The following MROH1 variants were observed in gnomAD, a reference collection of about 807,000 sequenced individuals.
MROH1 encodes maestro heat-like repeat-containing protein family member 1.
A neutral mutation model predicts 116.5 loss-of-function variants in MROH1; 117 were observed. The observed-to-expected ratio is 1.00, with a 90% CI of 0.86 to 1.17. The LOEUF is 1.17. Ranked by LOEUF, MROH1 falls within the 50% of genes most tolerant of loss-of-function variation. MROH1 has a pLI of 0.00. For missense variants in MROH1, 1,873 were observed against 1,338.5 expected (o/e 1.40, Z -6.23); for synonymous variants, 921 against 583.9 (o/e 1.58, Z -8.32).
intron 1 of MROH1, among the ~76,000 whole-genome samples, chr8:144,149,894 T>C (rs1816314042): frequency 6.6e-6 from 1 of 152,084 alleles, no homozygotes; most frequent in East Asian, 1.9e-4. Context: ...GGCTGTGGGA[T>C]TGCATTTCCC....
At chr8:144,247,792 C>T (rs1459433275) in intron 31 of MROH1, 113 bp downstream of exon 31, 7 of 696,040 alleles carry the variant, frequency 1.0e-5, no homozygotes, top group Non-Finnish European at 1.8e-5. Flanking sequence ...CACCCATGGC[C>T]AGTGGGCATG....
In MROH1 at chr8:144,261,058, G is replaced by A; in HGVS notation, c.4671+17G>A. On this transcript the variant is annotated intron_variant, in intron 41 of 43. Transcript: ENST00000326134. ...AAGCACCTGGTGAGGGGTGGGGCCAGGCGGGGCGTGGTGGGTGGGGCGGGG... is the reference window on the plus strand; with the variant it reads ...AAGCACCTGGTGAGGGGTGGGGCCAAGCGGGGCGTGGTGGGTGGGGCGGGG... 1.3e-6 allele frequency: 1 copy of A among 770,074 alleles called. No homozygotes were observed. Among genetic ancestry groups the A allele is most frequent in the South Asian group, 1.4e-5 (1 of 73,480 alleles). 47.7% of individuals were successfully genotyped at this position (770,074 alleles called of 1,614,324 possible).
At chr8:144,195,864 C>T (rs1829775994) in intron 10 of MROH1, among the ~76,000 whole-genome samples, 2 of 152,094 alleles carry the variant, frequency 1.3e-5, no homozygotes, top group Admixed American at 1.3e-4. Flanking sequence ...AATCATGCTA[C>T]TTTGTCCTTT....
chr8:144,255,421 C>T lies in MROH1; in HGVS notation c.3595-88C>T, dbSNP rs988131098. 6.4e-5 allele frequency: 46 copies of T among 718,422 alleles called. 1 individual carries two copies. The highest frequency in any genetic ancestry group is 1.2e-4 in the Admixed American group (6 of 50,756). 44.5% of individuals were successfully genotyped at this position (718,422 alleles called of 1,614,324 possible). ...GAGACCTCCGAGCACATGATGCAGG[C>T]GAAGGGGGATGCAGTCTCATTGGGT... On this transcript the variant is annotated intron_variant, in intron 34 of 43. Transcript: ENST00000326134.
Position 144,227,793 on chromosome 8 carries a change from TA to T in MROH1, c.1338+4573del, listed in dbSNP as rs909786389. On this transcript the variant is annotated intron_variant, in intron 14 of 43. Transcript: ENST00000326134. ...AGCGAGACCTTATCTCTACAAATAATAAAAAAAAAATTAGCTGGGCCTGACG... is the reference window on the plus strand; with the variant it reads ...AGCGAGACCTTATCTCTACAAATAATAAAAAAAAATTAGCTGGGCCTGACG... 2.6e-4 allele frequency among the ~76,000 whole-genome samples: 38 copies of T among 146,550 alleles called. No individual in the cohort carries two copies. In the Middle Eastern group the frequency reaches 0.014, roughly 55 times the overall value.
chr8:144,177,511 G>GTA (rs1824312336), intron 4 of MROH1, among the ~76,000 whole-genome samples: 1 of 152,182 alleles, frequency 6.6e-6, no homozygotes, highest in South Asian at 2.1e-4. Flanking sequence ...CACTGAGCCG[G>GTA]TAGCACTTCT....
intron 34 of MROH1, 65 bp downstream of exon 34, chr8:144,255,043 G>A: frequency 2.9e-6 from 2 of 689,616 alleles, no homozygotes; most frequent in Non-Finnish European, 5.3e-6. Context: ...GGTGCCCGGG[G>A]GCAGGCCTTT....
chr8:144,201,240 T>C (rs1304883087), intron 12 of MROH1: 4 of 152,082 alleles, frequency 2.6e-5, no homozygotes, highest in African/African-American at 7.2e-5. Context: ...TATTTTTTTT[T>C]AGTAGAGACA....
rs1449479649 is a variant in MROH1, at chr8:144,150,389, G to GT, written c.-177+2320dup. On this transcript the variant is annotated intron_variant, in intron 1 of 43. Coordinates refer to ENST00000326134, the MANE Select transcript of MROH1 (RefSeq NM_032450.3). ...AACCAGAGCCCTGATTGGCATTTGT[G>GT]TTTTTTTCTGACATCCCCATTATAT... Among the ~76,000 whole-genome samples the GT allele has an allele frequency of 1.6e-4, 24 of 152,262 alleles. No homozygotes were observed. In the South Asian group the frequency reaches 3.9e-3, roughly 25 times the overall value.
rs35823965 is a variant in MROH1 at position 144,209,905 on chromosome 8, C to CAA, written c.1141+9379_1141+9380dup. ...TTGGCTACAGAGTGAGACCCTGTCT[C>CAA]AAAAAAAAAAAAAAAAGGGAAGGAA... On this transcript the variant is annotated intron_variant, in intron 12 of 43. Coordinates refer to ENST00000326134, the MANE Select transcript of MROH1 (RefSeq NM_032450.3). Among the ~76,000 whole-genome samples the CAA allele has an allele frequency of 2.7e-3, 297 of 109,656 alleles. 3 individuals are homozygous for CAA. The highest frequency in any genetic ancestry group is 0.021 in the South Asian group (67 of 3,202). 71.9% of individuals were successfully genotyped at this position (109,656 alleles called of 152,430 possible).
chr8:144,180,626 A>C lies in MROH1; in HGVS notation c.562+103A>C. On this transcript the variant is annotated intron_variant, in intron 7 of 43. Transcript: ENST00000326134. The surrounding 1 kb of genome is among the most constrained non-coding windows in gnomAD (Gnocchi z 7.4). ...GGGACAGGTGGGCACTTTAGGCTGC[A>C]GGAAGGGGGGCTGTTGGAGGGAGGG... The C allele has an allele frequency of 5.4e-6, 6 of 1,111,704 alleles. No homozygotes were observed. The highest frequency in any genetic ancestry group is 7.5e-6 in the Non-Finnish European group (6 of 795,602). 68.9% of individuals were successfully genotyped at this position (1,111,704 alleles called of 1,614,324 possible).
chr8:144,217,046 G>C (rs151331805), intron 12 of MROH1, among the ~76,000 whole-genome samples: 78 of 152,302 alleles, frequency 5.1e-4, no homozygotes, highest in African/African-American at 1.8e-3. Flanking sequence ...TGAGCTGGGT[G>C]TGGTGGCTCA....
chr8:144,184,257 C>A (rs994939581), intron 7 of MROH1, among the ~76,000 whole-genome samples: 1 of 152,132 alleles, frequency 6.6e-6, no homozygotes, highest in Non-Finnish European at 1.5e-5. Flanking sequence ...TGAATGTTTG[C>A]GTCCCAGTCA....
rs984316912 is a variant in MROH1 at position 144,255,605 on chromosome 8, G to A, written c.3691G>A (p.Val1231Ile). Reference sequence around the variant, plus strand: ...GCTGTTTGTGGTGCTTCTGCTGCGCGTCAGCTGCACCGTGGGTGTCCAGCT... The same window carrying A: ...GCTGTTTGTGGTGCTTCTGCTGCGCATCAGCTGCACCGTGGGTGTCCAGCT... ...PQLFVVLLLR[V>I]SCTVGVQLPR... Residue 1231 changes from valine (V) to isoleucine (I), a missense_variant, in exon 35 of 44, where the codon GTC (valine) becomes ATC (isoleucine). Coordinates refer to ENST00000326134, the MANE Select transcript of MROH1 (RefSeq NM_032450.3). 3.0e-5 allele frequency: 23 copies of A among 778,404 alleles called. No homozygotes were observed. The highest frequency in any genetic ancestry group is 8.1e-5 in the South Asian group (6 of 74,344). The allele number at this position is 778,404 out of a possible 1,614,324, so 48.2% of individuals were successfully genotyped here.
At chr8:144,156,941 C>T (rs1818301136) in intron 1 of MROH1, among the ~76,000 whole-genome samples, 1 of 149,692 alleles carries the variant, frequency 6.7e-6, no homozygotes, top group Non-Finnish European at 1.5e-5. Flanking sequence ...CACCACCACG[C>T]CTGGCTAATT....
rs111658619 is a variant in MROH1, at chr8:144,230,502, CT to C, written c.1338+7285del. 3.6e-3 allele frequency among the ~76,000 whole-genome samples: 481 copies of C among 132,074 alleles called. 2 individuals carry two copies. The highest frequency in any genetic ancestry group is 0.013 in the Middle Eastern group (3 of 240). 86.6% of individuals were successfully genotyped at this position (132,074 alleles called of 152,430 possible). A position where few individuals can be genotyped will look rare whatever the true frequency, so the allele number is the denominator to read the frequency against. ...CCTCACTAAGCTTAATCATTTCTGG[CT>C]TTTTTTTTTTTTAATGATCTTTTAA... On this transcript the variant is annotated intron_variant, in intron 14 of 43. Transcript: ENST00000326134.
intron 26 of MROH1, 55 bp from the exon 27 acceptor site, chr8:144,244,167 G>A (rs1841487154): frequency 2.8e-6 from 2 of 711,806 alleles, no homozygotes; most frequent in East Asian, 2.7e-5. Context: ...AGGTTACTGG[G>A]TGTCTGAGTT....
chr8:144,173,431 T>TTTA (rs1292376259), intron 4 of MROH1, among the ~76,000 whole-genome samples: 2 of 147,902 alleles, frequency 1.4e-5, no homozygotes, highest in African/African-American at 2.5e-5. Flanking sequence ...TTATTTTATT[T>TTTA]TTTTTTTTTT....
intron 12 of MROH1, among the ~76,000 whole-genome samples, chr8:144,208,981 C>T (rs1262746660): frequency 6.6e-6 from 1 of 151,908 alleles, no homozygotes; most frequent in Non-Finnish European, 1.5e-5. Flanking sequence ...GCCTCAGCCT[C>T]CCAAAGTGCT....
Sources: gnomAD v4.1 joint callset for allele counts (sites outside exome capture counted in the v4.1 genomes callset) on GRCh38, gnomAD v4.1.1 for gene constraint, Gnocchi (gnomAD v3.1) non-coding constraint, MANE v1.5 for transcripts, NCBI Gene and HGNC (gene_info 2026-07-23, HGNC 2026-07-21) for gene names.